Variants in SVIL observed in about 807,000 individuals in gnomAD.
The protein encoded by SVIL is supervillin, also known as archvillin.
In SVIL, 101 loss-of-function variants were observed where a neutral mutation model predicts 240.4. The ratio of observed to expected loss-of-function variants is 0.42; its 90% CI spans 0.36 to 0.50. The LOEUF (loss-of-function observed/expected upper bound fraction) is 0.50. Among genes scored for constraint, SVIL ranks in the 20% least tolerant of loss-of-function variants. SVIL has a pLI of 0.01. For synonymous variants in SVIL, 999 were observed against 1,100.0 expected (o/e 0.91, Z 1.82); for missense variants, 2,512 against 2,818.7 (o/e 0.89, Z 2.46).
At chr10:29,576,132 G>T (rs565630260) in intron 1 of SVIL, 39 of 984,974 alleles carry the variant, frequency 4.0e-5, no homozygotes, top group Non-Finnish European at 4.7e-5. Context: ...CTTCATTTTC[G>T]TTATGATGAA....
chr10:29,457,390 G>A lies in SVIL; in HGVS notation c.*857C>T, dbSNP rs2132250063. 1 of 150,814 alleles carries A rather than the reference G, an allele frequency of 6.6e-6. No homozygotes were observed. The highest frequency in any genetic ancestry group is 1.5e-5 in the Non-Finnish European group (1 of 67,832). The allele number at this position is 150,814 out of a possible 1,614,324, so 9.3% of individuals were successfully genotyped here. A position where few individuals can be genotyped will look rare whatever the true frequency, so the allele number is the denominator to read the frequency against. ...TTTATTCTGATACTTTTATTTGGGA[G>A]TCCTATATCACAAAATGACATGTGT... On this transcript the variant is annotated 3_prime_UTR_variant, in exon 38 of 38. Coordinates refer to ENST00000355867, the MANE Select transcript of SVIL (RefSeq NM_021738.3).
chr10:29,529,975 A>T (rs1415316773), intron 11 of SVIL, 131 bp from the exon 12 acceptor site: 1 of 911,326 alleles, frequency 1.1e-6, no homozygotes, highest in Non-Finnish European at 1.6e-6. Context: ...GTTCAAGACC[A>T]GCCTGGGCAA....
At chr10:29,659,201 TC>T (rs1306780345) in intron 2 of SVIL, among the ~76,000 whole-genome samples, 1 of 152,180 alleles carries the variant, frequency 6.6e-6, no homozygotes, top group Non-Finnish European at 1.5e-5. Flanking sequence ...TCTTAATGAC[TC>T]AGCCTGGGAG....
At position 29,533,072 on chromosome 10, in the gene SVIL, CCTTCTT is replaced by C. The variant is rs772199949; in HGVS notation, c.1289_1294del (p.Glu430_Glu431del). Reference sequence around the variant, plus strand: ...TTCTTTTTCTTCTCCTTCTCCTTCCCCTTCTTCTTCTTCTGCTTTTGACTCGCAGAC... The same window carrying C: ...TTCTTTTTCTTCTCCTTCTCCTTCCCCTTCTTCTGCTTTTGACTCGCAGAC... On this transcript the variant is annotated inframe_deletion, in exon 8 of 38. Transcript: ENST00000355867. 1.9e-5 allele frequency: 31 copies of C among 1,610,190 alleles called. No individual in the cohort carries two copies. Among genetic ancestry groups the C allele is most frequent in the Non-Finnish European group, 2.1e-5 (25 of 1,177,166 alleles).
chr10:29,457,428 C>A lies in SVIL; in HGVS notation c.*819G>T. The A allele has an allele frequency of 6.6e-6, 1 of 152,402 alleles. No homozygotes were observed. 9.4% of individuals were successfully genotyped at this position (152,402 alleles called of 1,614,324 possible). The stretch of plus-strand genomic sequence containing the variant: ...AAATGACATGTGTACTGTTTACAAC[C>A]GGTATTAGAAATTGAGATGTTTTTA... On this transcript the variant is annotated 3_prime_UTR_variant, in exon 38 of 38. Transcript: ENST00000355867.
intron 37 of SVIL, 32 bp from the exon 38 acceptor site, chr10:29,458,365 C>T (rs1207114099): frequency 2.5e-6 from 4 of 1,611,512 alleles, no homozygotes; most frequent in Non-Finnish European, 3.4e-6. Flanking sequence ...CCCCGCGGCT[C>T]AGTGAAAGGA....
intron 3 of SVIL, among the ~76,000 whole-genome samples, chr10:29,562,320 A>T (rs1417859539): frequency 6.6e-6 from 1 of 152,236 alleles, no homozygotes; most frequent in East Asian, 1.9e-4. Flanking sequence ...TAGTTGGTGC[A>T]GACATTTTAC....
chr10:29,525,851 G>A (rs1950862850), intron 13 of SVIL, among the ~76,000 whole-genome samples: 1 of 152,136 alleles, frequency 6.6e-6, no homozygotes, highest in Non-Finnish European at 1.5e-5. Context: ...CCATATTCCA[G>A]GTGTATAATG....
At chr10:29,605,732 AT>A (rs972946633) in intron 1 of SVIL, among the ~76,000 whole-genome samples, 1 of 135,092 alleles carries the variant, frequency 7.4e-6, no homozygotes, top group Non-Finnish European at 1.5e-5. Context: ...TATATATATT[AT>A]TTACATAATA....
chr10:29,610,981 GCC>G lies in SVIL; in HGVS notation c.-201+23437_-201+23438del, dbSNP rs548303378. The stretch of plus-strand genomic sequence containing the variant: ...GTAACTGTGTTCAGCTCACTTTTGT[GCC>G]CAGAGCCATCAGCTACTTCATAATT... On this transcript the variant is annotated intron_variant, in intron 1 of 37. Coordinates refer to ENST00000355867, the MANE Select transcript of SVIL (RefSeq NM_021738.3). 9.2e-5 allele frequency among the ~76,000 whole-genome samples: 14 copies of G among 152,252 alleles called. No homozygotes were observed. The East Asian group carries it at 2.7e-3, about 30-fold the overall frequency.
Position 29,530,657 on chromosome 10 carries a change from C to A in SVIL, c.2056G>T (p.Val686Leu). ...ACGCTCAGCTTGGCTCGTTCATCCACCTTTTCTTCATCTGCAAAAAGCCAC... is the reference window on the plus strand; with the variant it reads ...ACGCTCAGCTTGGCTCGTTCATCCAACTTTTCTTCATCTGCAAAAAGCCAC... ...ETPTVDDEEK[V>L]DERAKLSVAA... Residue 686 changes from valine (V) to leucine (L), a missense_variant, in exon 11 of 38, where the codon GTG (valine) becomes TTG (leucine). Coordinates refer to ENST00000355867, the MANE Select transcript of SVIL (RefSeq NM_021738.3). The A allele has an allele frequency of 1.2e-6, 2 of 1,614,144 alleles. No individual in the cohort carries two copies. Among genetic ancestry groups the A allele is most frequent in the Non-Finnish European group, 8.5e-7 (1 of 1,179,998 alleles).
In SVIL at chr10:29,462,318, T is replaced by C. The variant is rs757700509; in HGVS notation, c.6361A>G (p.Ser2121Gly). 6.2e-7 allele frequency: 1 copy of C among 1,614,178 alleles called. No individual in the cohort carries two copies. Among genetic ancestry groups the C allele is most frequent in the South Asian group, 1.1e-5 (1 of 91,088 alleles). The change falls in exon 36 of 38, where the codon AGC (serine) becomes GGC (glycine). Residue 2121 changes from serine (S) to glycine (G), a missense_variant. Physicochemically the swap from Ser to Gly is moderately conservative, Grantham distance 56. Around this residue, in one of 3 missense-constraint regions of SVIL, gnomAD observed 797 missense variants for 925.3 expected, o/e 0.86. Transcript: ENST00000355867. The part of the protein sequence containing the change: ...EPLTFTNMFP[S>G]WEHREDIAEI... ...GCGATGTCCTCTCTGTGCTCCCAGC[T>C]GGGAAACATATTGGTGAATGTCAGG...
intron 16 of SVIL, among the ~76,000 whole-genome samples, chr10:29,516,765 C>A (rs537909364): frequency 4.8e-4 from 73 of 152,300 alleles, no homozygotes; most frequent in African/African-American, 1.7e-3. Flanking sequence ...CAGGTGCCTG[C>A]CAGGACACCC....
intron 1 of SVIL, among the ~76,000 whole-genome samples, chr10:29,714,182 C>T (rs1428295501): frequency 6.6e-6 from 1 of 152,202 alleles, no homozygotes; most frequent in Non-Finnish European, 1.5e-5. Context: ...GTTGTTGCTG[C>T]CATTTCAGAG....
At chr10:29,537,910 C>G (rs1951853547) in intron 6 of SVIL, among the ~76,000 whole-genome samples, 2 of 152,182 alleles carry the variant, frequency 1.3e-5, no homozygotes, top group South Asian at 4.1e-4. Context: ...ATTTTGCCCA[C>G]AGCAAATAAA....
At chr10:29,709,384 G>T (rs548861114) in intron 1 of SVIL, among the ~76,000 whole-genome samples, 15 of 152,294 alleles carry the variant, frequency 9.8e-5, no homozygotes, top group African/African-American at 3.1e-4. Context: ...ACCTGTACAA[G>T]AAAACTCCCC....
intron 1 of SVIL, among the ~76,000 whole-genome samples, chr10:29,690,374 G>A (rs1272324977): frequency 6.6e-6 from 1 of 152,026 alleles, no homozygotes; most frequent in Non-Finnish European, 1.5e-5. Context: ...CCCCATTTAA[G>A]TGGATTGACC....
chr10:29,458,389 G>T (rs780583852), intron 37 of SVIL, 45 bp downstream of exon 37: 38 of 1,607,456 alleles, frequency 2.4e-5, no homozygotes, highest in Non-Finnish European at 3.0e-5. Context: ...GGGCGTGCGT[G>T]TGTTGTTTTA....
chr10:29,651,380 G>T (rs1958830157), intron 3 of SVIL, among the ~76,000 whole-genome samples: 1 of 152,096 alleles, frequency 6.6e-6, no homozygotes, highest in Non-Finnish European at 1.5e-5. Flanking sequence ...AAACCATTCG[G>T]ATCTGGAGTT....
Sources: allele counts gnomAD v4.1 joint callset (sites outside exome capture counted in the v4.1 genomes callset), GRCh38; gene constraint gnomAD v4.1.1; regional missense constraint gnomAD v4.1.1; transcripts MANE v1.5; gene names NCBI Gene and HGNC (gene_info 2026-07-23, HGNC 2026-07-21).